Variants in C1GALT1 observed in about 807,000 individuals in gnomAD.
The protein encoded by C1GALT1 is glycoprotein-N-acetylgalactosamine 3-beta-galactosyltransferase 1.
In C1GALT1, 11 loss-of-function variants were observed where a neutral mutation model predicts 31.0. The observed-to-expected ratio is 0.36, with a 90% CI of 0.22 to 0.59. The LOEUF is 0.59. Ranked by LOEUF, C1GALT1 falls within the 20% of genes least tolerant of loss-of-function variation. The pLI, the probability that C1GALT1 is intolerant of heterozygous loss-of-function variation, is 0.79. For missense variants in C1GALT1, 424 were observed against 425.2 expected (o/e 1.00, Z 0.03); for synonymous variants, 175 against 143.6 (o/e 1.22, Z -1.56).
chr7:7,213,941 C>T (rs568378234), intron 1 of C1GALT1, among the ~76,000 whole-genome samples: 1 of 152,254 alleles, frequency 6.6e-6, no homozygotes, highest in African/African-American at 2.4e-5. Flanking sequence ...GCAAGGCAAC[C>T]CAAAGCCAAT....
chr7:7,228,016 G>C (rs1177386965), intron 1 of C1GALT1, among the ~76,000 whole-genome samples: 1 of 152,166 alleles, frequency 6.6e-6, no homozygotes, highest in Non-Finnish European at 1.5e-5. Flanking sequence ...TCCTGATTCA[G>C]ATTGCTAGTG....
rs1783914941 is a variant in C1GALT1 at position 7,247,960 on chromosome 7, G to A, written c.*4233G>A. 1 of 151,894 alleles carries A rather than the reference G, an allele frequency of 6.6e-6. No individual in the cohort carries two copies. Among genetic ancestry groups the A allele is most frequent in the Non-Finnish European group, 1.5e-5 (1 of 67,878 alleles). The allele number at this position is 151,894 out of a possible 1,614,324, so 9.4% of individuals were successfully genotyped here. On this transcript the variant is annotated 3_prime_UTR_variant, in exon 4 of 4. Transcript: ENST00000436587. ...ATCTATAATTTAAAATTAATTCTATGTCTACAATTATTAAAGGAAGTAAAG... is the reference window on the plus strand; with the variant it reads ...ATCTATAATTTAAAATTAATTCTATATCTACAATTATTAAAGGAAGTAAAG...
At chr7:7,172,826 C>T (rs1780468423) in intron 2 of C1GALT1, among the ~76,000 whole-genome samples, 1 of 152,136 alleles carries the variant, frequency 6.6e-6, no homozygotes, top group Non-Finnish European at 1.5e-5. Context: ...CAAGCAAAGT[C>T]CATAATTTAC....
chr7:7,227,703 G>C (rs915618257), intron 1 of C1GALT1, among the ~76,000 whole-genome samples: 9 of 138,278 alleles, frequency 6.5e-5, no homozygotes, highest in South Asian at 2.2e-4. Flanking sequence ...CTGGGCAACA[G>C]AGCGAGACTC....
At chr7:7,182,862 C>G (rs1780644790) in intron 1 of C1GALT1, 42 bp downstream of exon 1, 17 of 984,766 alleles carry the variant, frequency 1.7e-5, no homozygotes, top group South Asian at 4.7e-5. Flanking sequence ...GGTCCAAGGT[C>G]TCGTCTCCCC....
intron 2 of C1GALT1, among the ~76,000 whole-genome samples, chr7:7,175,088 C>G (rs1045964843): frequency 6.6e-6 from 1 of 152,170 alleles, no homozygotes; most frequent in Non-Finnish European, 1.5e-5. Context: ...GATGTGGTAA[C>G]TAGAAATTAG....
intron 1 of C1GALT1, among the ~76,000 whole-genome samples, chr7:7,192,284 C>T (rs1200528029): frequency 6.6e-6 from 1 of 152,002 alleles, no homozygotes; most frequent in Non-Finnish European, 1.5e-5. Context: ...GTCATTTATC[C>T]CTCACCCCCT....
At chr7:7,203,302 T>C (rs752642718) in intron 1 of C1GALT1, among the ~76,000 whole-genome samples, 1 of 152,104 alleles carries the variant, frequency 6.6e-6, no homozygotes, top group Non-Finnish European at 1.5e-5. Flanking sequence ...GGAAAAGCTT[T>C]GAGTCCTTTA....
upstream of C1GALT1, among the ~76,000 whole-genome samples, chr7:7,182,360 C>T (rs570924031): frequency 1.3e-5 from 2 of 152,310 alleles, no homozygotes; most frequent in East Asian, 3.9e-4. Context: ...AGACACAAGC[C>T]GCAAGGGGGA....
chr7:7,165,791 T>A (rs1780385821), intron 2 of C1GALT1, among the ~76,000 whole-genome samples: 1 of 152,150 alleles, frequency 6.6e-6, no homozygotes, highest in African/African-American at 2.4e-5. Context: ...AGCATCAACA[T>A]GATGCTACGA....
At chr7:7,220,318 A>G (rs1477356196) in intron 1 of C1GALT1, among the ~76,000 whole-genome samples, 1 of 152,150 alleles carries the variant, frequency 6.6e-6, no homozygotes, top group African/African-American at 2.4e-5. Context: ...TTTATTTGCT[A>G]TATTATATTT....
intron 1 of C1GALT1, among the ~76,000 whole-genome samples, chr7:7,212,677 A>T (rs1416818143): frequency 6.6e-6 from 1 of 152,066 alleles, no homozygotes; most frequent in African/African-American, 2.4e-5. Context: ...GTTTGGGATA[A>T]GTGGTGGAGT....
intron 1 of C1GALT1, among the ~76,000 whole-genome samples, chr7:7,189,889 TC>T (rs1296102648): frequency 6.6e-5 from 10 of 151,582 alleles, no homozygotes; most frequent in African/African-American, 1.7e-4. Flanking sequence ...TGTTTTTTTT[TC>T]CCCAAAAGAT....
chr7:7,199,898 T>A (rs1180659453), intron 1 of C1GALT1, among the ~76,000 whole-genome samples: 1 of 152,192 alleles, frequency 6.6e-6, no homozygotes, highest in Non-Finnish European at 1.5e-5. Context: ...GCTTGTTAGA[T>A]CTTCCTCCAT....
intron 1 of C1GALT1, among the ~76,000 whole-genome samples, chr7:7,201,404 G>A (rs1436002947): frequency 6.6e-6 from 1 of 152,186 alleles, no homozygotes. Context: ...TGAGGTGCCA[G>A]TCGGCCCCTA....
At chr7:7,214,374 A>G (rs1782136274) in intron 1 of C1GALT1, among the ~76,000 whole-genome samples, 1 of 152,190 alleles carries the variant, frequency 6.6e-6, no homozygotes, top group Admixed American at 6.5e-5. Flanking sequence ...AAAAATGGAG[A>G]AAAATAATTC....
intron 1 of C1GALT1, among the ~76,000 whole-genome samples, chr7:7,213,587 G>A (rs1782105522): frequency 1.3e-5 from 2 of 152,062 alleles, no homozygotes. Context: ...TTCCAGATTG[G>A]CATAAATATT....
At chr7:7,241,985 A>G (rs1583841312) in intron 3 of C1GALT1, among the ~76,000 whole-genome samples, 3 of 152,164 alleles carry the variant, frequency 2.0e-5, no homozygotes, top group African/African-American at 4.8e-5. Flanking sequence ...TCAGCAATTT[A>G]TAACTATTAC....
intron 2 of C1GALT1, among the ~76,000 whole-genome samples, chr7:7,157,742 C>T (rs1780288389): frequency 6.6e-6 from 1 of 152,172 alleles, no homozygotes; most frequent in African/African-American, 2.4e-5. Context: ...ATATTGCTTT[C>T]ATTTTCTTTA....
Sources: gnomAD v4.1 joint callset for allele counts (sites outside exome capture counted in the v4.1 genomes callset) on GRCh38, gnomAD v4.1.1 for gene constraint, MANE v1.5 for transcripts, NCBI Gene and HGNC (gene_info 2026-07-23, HGNC 2026-07-21) for gene names.